Variants in TTC13 observed in about 807,000 individuals in gnomAD.
TTC13 encodes the protein tetratricopeptide repeat domain 13.
Under a neutral mutation model 120.0 loss-of-function variants are expected in TTC13, and 62 were observed. The observed-to-expected ratio is 0.52, with a 90% CI of 0.42 to 0.64. TTC13 has a LOEUF of 0.64. TTC13 is among the 30% of genes least tolerant of loss of function. The pLI is 0.00. For missense variants in TTC13, 824 were observed against 1,050.2 expected, an observed-to-expected ratio of 0.78 and a Z score of 2.98; for synonymous variants, 384 against 393.5, an observed-to-expected ratio of 0.98 and a Z score of 0.28.
At chr1:230,923,617 A>ACAC (rs1449759687) in intron 15 of TTC13, among the ~76,000 whole-genome samples, 1 of 151,416 alleles carries the variant, frequency 6.6e-6, no homozygotes, top group Non-Finnish European at 1.5e-5. Context: ...TCTACACCAG[A>ACAC]CAGAAGGGCC....
intron 1 of TTC13, among the ~76,000 whole-genome samples, chr1:230,965,835 G>A (rs569275439): frequency 2.6e-4 from 39 of 152,168 alleles, no homozygotes; most frequent in African/African-American, 9.2e-4. Context: ...ATTTTTTGTG[G>A]AGACAGGGTC....
intron 18 of TTC13, among the ~76,000 whole-genome samples, chr1:230,913,767 G>A (rs1446645977): frequency 6.6e-6 from 1 of 152,260 alleles, no homozygotes; most frequent in Non-Finnish European, 1.5e-5. Context: ...GAAGTGGCCT[G>A]AACATGGGTC....
chr1:230,975,507 G>A lies in TTC13; in HGVS notation c.271+3053C>T, dbSNP rs60612224. ...AATACTTCTGTTCATCATTTCCTCC[G>A]ACAGTTACAAATTAAAGATAGGGCT... is the stretch of plus-strand genomic sequence containing the variant. On this transcript the variant is annotated intron_variant, in intron 1 of 22. Transcript: ENST00000366661. Among the ~76,000 whole-genome samples the A allele has an allele frequency of 9.8e-3, 1,488 of 152,166 alleles. 25 individuals carry two copies. The highest frequency in any genetic ancestry group is 0.033 in the African/African-American group (1,383 of 41,512).
chr1:230,955,438 C>T (rs1394698299), intron 3 of TTC13, among the ~76,000 whole-genome samples: 1 of 145,694 alleles, frequency 6.9e-6, no homozygotes, highest in Admixed American at 6.8e-5. Context: ...CTGAGGCAGG[C>T]AGATCACAAG....
In TTC13 at chr1:230,916,270, G is replaced by C. The variant is rs140000131; in HGVS notation, c.2016C>G (p.Thr672=). 1 of 1,614,000 alleles carries C rather than the reference G, an allele frequency of 6.2e-7. No individual in the cohort carries two copies. The highest frequency in any genetic ancestry group is 2.2e-5 in the East Asian group (1 of 44,880). ...QFNTKTKDGF[T]VNTKVPSLKD... ...TAAGGCTGGGAACTTTTGTGTTCAC[G>C]GTGAACCCATCCTTCGTTTTAGTAT... Residue 672 remains threonine (T), a synonymous_variant, in exon 18 of 23, where the codon ACC becomes ACG. Coordinates refer to ENST00000366661, the MANE Select transcript of TTC13 (RefSeq NM_024525.5).
intron 14 of TTC13, 35 bp from the exon 15 acceptor site, chr1:230,923,968 T>C (rs778127259): frequency 2.0e-6 from 3 of 1,512,978 alleles, no homozygotes; most frequent in Admixed American, 1.8e-5. Context: ...ACCAGAAGTG[T>C]TCAGAAGCAT....
intron 22 of TTC13, chr1:230,908,344 T>A: frequency 2.2e-6 from 1 of 452,028 alleles, no homozygotes. Flanking sequence ...CACACCACCA[T>A]GCCCAGCTAA....
chr1:230,978,794 A>C lies in TTC13; in HGVS notation c.37T>G (p.Trp13Gly). ...CCCGCGGCGGCCACAGCGCCGCCCC[A>C]GAAGCAGCAGCAGCAGCAGCAGCCG... ...PAGCCCCCCFWGGAVAAAGAA... is the reference protein window; with the variant it reads ...PAGCCCCCCFGGGAVAAAGAA... The change falls in exon 1 of 23, where the codon TGG becomes GGG. Residue 13 changes from tryptophan (W) to glycine (G), a missense_variant. Trp to Gly is a radical substitution (Grantham distance 184). Coordinates refer to ENST00000366661, the MANE Select transcript of TTC13 (RefSeq NM_024525.5). This position sits in a 1 kb window ranked among gnomAD's most constrained non-coding sequence, Gnocchi z 5.6. 6.7e-7 allele frequency: 1 copy of C among 1,498,096 alleles called. No individual in the cohort carries two copies. The highest frequency in any genetic ancestry group is 1.5e-5 in the African/African-American group (1 of 68,912). 92.8% of individuals were successfully genotyped at this position (1,498,096 alleles called of 1,614,324 possible).
At chr1:230,916,326 C>T (rs776481232) in intron 17 of TTC13, 24 bp from the exon 18 acceptor site, 29 of 1,533,208 alleles carry the variant, frequency 1.9e-5, no homozygotes, top group Non-Finnish European at 2.5e-5. Context: ...AGAAAATTCA[C>T]GTTACTAGTG....
In TTC13 at chr1:230,978,025, T is replaced by C. The variant is rs1678523911; in HGVS notation, c.271+535A>G. ...ACGAGCAGATAAGATGGGCTTGCTC[T>C]TTTTTTCCATTCCAGGGATCCAATT... On this transcript the variant is annotated intron_variant, in intron 1 of 22. Coordinates refer to ENST00000366661, the MANE Select transcript of TTC13 (RefSeq NM_024525.5). This position sits in a 1 kb window ranked among gnomAD's most constrained non-coding sequence, Gnocchi z 5.6. 6.6e-6 allele frequency among the ~76,000 whole-genome samples: 1 copy of C among 152,214 alleles called. No homozygotes were observed. The highest frequency in any genetic ancestry group is 2.4e-5 in the African/African-American group (1 of 41,464).
chr1:230,920,629 T>C lies in TTC13; in HGVS notation c.1899-35A>G, dbSNP rs199715806. On this transcript the variant is annotated intron_variant, in intron 16 of 22. Coordinates refer to ENST00000366661, the MANE Select transcript of TTC13 (RefSeq NM_024525.5). ...AGACAGAGAGAGATGGCAACTGAGA[T>C]TAATGCAGAATTGTAATAATTAATC... The C allele has an allele frequency of 3.2e-3, 4,026 of 1,276,356 alleles. 8 individuals are homozygous for C. The highest frequency in any genetic ancestry group is 4.1e-3 in the Non-Finnish European group (3,816 of 924,956). The allele number at this position is 1,276,356 out of a possible 1,614,324, so 79.1% of individuals were successfully genotyped here.
intron 12 of TTC13, among the ~76,000 whole-genome samples, chr1:230,927,340 C>CT (rs1673134124): frequency 6.6e-6 from 1 of 152,074 alleles, no homozygotes; most frequent in Admixed American, 6.6e-5. Flanking sequence ...AACTTATACT[C>CT]TAACCAGGAG....
Position 230,908,926 on chromosome 1 carries a change from T to G in TTC13, c.2388+16A>C. The G allele has an allele frequency of 6.2e-7, 1 of 1,614,030 alleles. No homozygotes were observed. Among genetic ancestry groups the G allele is most frequent in the Non-Finnish European group, 8.5e-7 (1 of 1,179,872 alleles). ...AATACATAACCAAGCATTTCTCCCT[T>G]CCCGCTCCAACATACCTTCCCTTTG... is the stretch of plus-strand genomic sequence containing the variant. On this transcript the variant is annotated intron_variant, in intron 21 of 22. Coordinates refer to ENST00000366661, the MANE Select transcript of TTC13 (RefSeq NM_024525.5).
chr1:230,929,518 G>A (rs1220544394), intron 11 of TTC13, among the ~76,000 whole-genome samples: 1 of 152,102 alleles, frequency 6.6e-6, no homozygotes, highest in Non-Finnish European at 1.5e-5. Context: ...GTTTCACCGT[G>A]TTAGCCAGGA....
In TTC13 at chr1:230,932,003, CT is replaced by C. The variant is rs200027313; in HGVS notation, c.984-127del. On this transcript the variant is annotated intron_variant, in intron 9 of 22. Coordinates refer to ENST00000366661, the MANE Select transcript of TTC13 (RefSeq NM_024525.5). ...CTTGATGGGAGTGTTCCCTTTGTTG[CT>C]TTTTTATAGCCTCTGACACATTACA... 2.8e-4 allele frequency: 240 copies of C among 856,178 alleles called. 1 individual carries two copies. In the East Asian group the frequency reaches 6.2e-3, roughly 22 times the overall value. The allele number at this position is 856,178 out of a possible 1,614,324, so 53.0% of individuals were successfully genotyped here. A position where few individuals can be genotyped will look rare whatever the true frequency, so the allele number is the denominator to read the frequency against.
intron 1 of TTC13, among the ~76,000 whole-genome samples, chr1:230,963,698 G>T (rs891996307): frequency 6.6e-6 from 1 of 151,130 alleles, no homozygotes; most frequent in African/African-American, 2.4e-5. Flanking sequence ...GATGGATTTA[G>T]ACTGGGGCAG....
intron 6 of TTC13, among the ~76,000 whole-genome samples, chr1:230,941,245 G>A (rs1236984066): frequency 2.6e-5 from 4 of 152,162 alleles, no homozygotes; most frequent in Non-Finnish European, 5.9e-5. Context: ...CAGTGTTCAT[G>A]CAATTAAGCC....
chr1:230,958,081 G>T, intron 3 of TTC13, 143 bp downstream of exon 3: 2 of 620,442 alleles, frequency 3.2e-6, no homozygotes, highest in East Asian at 3.0e-5. Flanking sequence ...AATGTCACAA[G>T]GGCTGAATGC....
At chr1:230,962,877 A>G (rs1157381376) in intron 1 of TTC13, among the ~76,000 whole-genome samples, 1 of 152,216 alleles carries the variant, frequency 6.6e-6, no homozygotes, top group South Asian at 2.1e-4. Flanking sequence ...TGAAATGTCC[A>G]GAATAGGTGA....
Sources: gnomAD v4.1 joint callset for allele counts (sites outside exome capture counted in the v4.1 genomes callset) on GRCh38, gnomAD v4.1.1 for gene constraint, Gnocchi (gnomAD v3.1) non-coding constraint, MANE v1.5 for transcripts, NCBI Gene and HGNC (gene_info 2026-07-23, HGNC 2026-07-21) for gene names.